ELMO1: variants seen among roughly 807,000 people sequenced by gnomAD.
ELMO1 encodes engulfment and cell motility protein 1.
In ELMO1, 26 loss-of-function variants were observed where a neutral mutation model predicts 98.9. That is an observed-to-expected ratio of 0.26 (90% confidence interval 0.19 to 0.36). The LOEUF (loss-of-function observed/expected upper bound fraction) is 0.36. Among genes scored for constraint, ELMO1 ranks in the 10% least tolerant of loss-of-function variants. ELMO1 has a pLI of 1.00. For missense variants in ELMO1, 627 were observed against 935.2 expected (o/e 0.67, Z 4.30); for synonymous variants, 346 against 346.0 (o/e 1.00, Z 0.00).
At chr7:37,022,103 A>C (rs1794303264) in intron 15 of ELMO1, among the ~76,000 whole-genome samples, 1 of 152,246 alleles carries the variant, frequency 6.6e-6, no homozygotes, top group Non-Finnish European at 1.5e-5. Context: ...TGCAAAGATC[A>C]GTTCTGCGTG....
At chr7:37,048,726 C>T (rs1337892679) in intron 15 of ELMO1, among the ~76,000 whole-genome samples, 19 of 152,222 alleles carry the variant, frequency 1.2e-4, no homozygotes, top group Non-Finnish European at 1.5e-5. Flanking sequence ...ATTCCTTTAA[C>T]ATTTTCAAGA....
intron 15 of ELMO1, among the ~76,000 whole-genome samples, chr7:37,063,818 CTCCTACCTCCTT>C (rs1219430878): frequency 4.6e-5 from 7 of 152,148 alleles, no homozygotes; most frequent in Non-Finnish European, 7.4e-5. Context: ...ACTGCCTCCT[CTCCTACCTCCTT>C]AAGTAGTAAG....
chr7:37,376,744 A>G (rs10238251), intron 1 of ELMO1, among the ~76,000 whole-genome samples: 100,049 of 152,168 alleles, frequency 0.66, 33,134 homozygotes, highest in African/African-American at 0.73. Flanking sequence ...TTTGAGAAAT[A>G]TCTCCTGTCC....
chr7:37,288,045 C>T (rs1273682090), intron 4 of ELMO1, among the ~76,000 whole-genome samples: 1 of 152,164 alleles, frequency 6.6e-6, no homozygotes, highest in Non-Finnish European at 1.5e-5. Context: ...ACTGAAACCT[C>T]TGCCTCCCAG....
intron 2 of ELMO1, among the ~76,000 whole-genome samples, chr7:37,318,629 A>T (rs1420464711): frequency 6.6e-6 from 1 of 152,214 alleles, no homozygotes; most frequent in East Asian, 1.9e-4. Context: ...AGATGCACAA[A>T]GCTTAGAGAC....
chr7:36,959,769 C>T (rs1352931289), intron 16 of ELMO1, among the ~76,000 whole-genome samples: 1 of 152,194 alleles, frequency 6.6e-6, no homozygotes, highest in Non-Finnish European at 1.5e-5. Context: ...CAACCTCTGC[C>T]TCCCAGGTTC....
At chr7:37,189,100 C>T (rs892009216) in intron 13 of ELMO1, among the ~76,000 whole-genome samples, 1 of 152,188 alleles carries the variant, frequency 6.6e-6, no homozygotes, top group African/African-American at 2.4e-5. Flanking sequence ...ACAACATATA[C>T]ATTCAAAAAT....
chr7:37,173,804 A>G (rs1790334499), intron 13 of ELMO1, among the ~76,000 whole-genome samples: 1 of 152,148 alleles, frequency 6.6e-6, no homozygotes, highest in Admixed American at 6.5e-5. Context: ...ACCACCCCAA[A>G]CCTGAAAGCC....
At chr7:37,273,651 C>A (rs1796682482) in intron 4 of ELMO1, among the ~76,000 whole-genome samples, 1 of 152,176 alleles carries the variant, frequency 6.6e-6, no homozygotes, top group African/African-American at 2.4e-5. Context: ...ACACCACACC[C>A]AATTTCCAGG....
chr7:37,419,369 T>C (rs1187009859), intron 1 of ELMO1, among the ~76,000 whole-genome samples: 1 of 152,112 alleles, frequency 6.6e-6, no homozygotes, highest in Admixed American at 6.5e-5. Context: ...AATGTCAATA[T>C]ATTCATGGGC....
At chr7:37,403,395 GA>G (rs970008163) in intron 1 of ELMO1, among the ~76,000 whole-genome samples, 6 of 151,834 alleles carry the variant, frequency 4.0e-5, no homozygotes, top group African/African-American at 1.5e-4. Context: ...CCCCAACTCT[GA>G]AAAAAAATCA....
At chr7:36,997,065 T>C (rs1792269204) in intron 16 of ELMO1, among the ~76,000 whole-genome samples, 1 of 151,988 alleles carries the variant, frequency 6.6e-6, no homozygotes. Context: ...TAGGCTTGGG[T>C]CAAGTCCAGA....
intron 16 of ELMO1, among the ~76,000 whole-genome samples, chr7:36,974,039 TGTGCGTCTGGAGC>T (rs1790257292): frequency 6.6e-6 from 1 of 152,238 alleles, no homozygotes; most frequent in Non-Finnish European, 1.5e-5. Context: ...CGTGGGCTCC[TGTGCGTCTGGAGC>T]CTCCCTGATG....
chr7:37,423,714 A>G (rs1804583391), intron 1 of ELMO1, among the ~76,000 whole-genome samples: 1 of 152,196 alleles, frequency 6.6e-6, no homozygotes, highest in Non-Finnish European at 1.5e-5. Flanking sequence ...TTCACTGTAC[A>G]AGGCTTTATG....
At chr7:37,179,567 G>C (rs183443421) in intron 13 of ELMO1, among the ~76,000 whole-genome samples, 1 of 152,096 alleles carries the variant, frequency 6.6e-6, no homozygotes, top group African/African-American at 2.4e-5. Context: ...GTGAGCCACC[G>C]AGCCCGGCCT....
chr7:37,034,149 A>AC (rs1342995321), intron 15 of ELMO1, among the ~76,000 whole-genome samples: 1 of 152,172 alleles, frequency 6.6e-6, no homozygotes, highest in African/African-American at 2.4e-5. Flanking sequence ...TGAAGTCCTA[A>AC]CCCCAGTACC....
At chr7:37,119,189 C>A (rs1015908) in intron 14 of ELMO1, among the ~76,000 whole-genome samples, 2 of 151,910 alleles carry the variant, frequency 1.3e-5, no homozygotes, top group Admixed American at 6.6e-5. Context: ...AGCTCCCTGA[C>A]TGGAAAGGCT....
intron 1 of ELMO1, among the ~76,000 whole-genome samples, chr7:37,433,461 T>C (rs1805017700): frequency 1.3e-5 from 2 of 152,158 alleles, no homozygotes; most frequent in South Asian, 2.1e-4. Context: ...ACATATCATA[T>C]GGTCCAGGCA....
At chr7:37,099,898 T>C (rs1321381964) in intron 14 of ELMO1, among the ~76,000 whole-genome samples, 2 of 151,584 alleles carry the variant, frequency 1.3e-5, no homozygotes, top group Non-Finnish European at 2.9e-5. Flanking sequence ...AGTGGCATAA[T>C]CTCGGCTCGC....
Sources: gnomAD v4.1 joint callset for allele counts (sites outside exome capture counted in the v4.1 genomes callset) on GRCh38, gnomAD v4.1.1 for gene constraint, MANE v1.5 for transcripts, NCBI Gene and HGNC (gene_info 2026-07-23, HGNC 2026-07-21) for gene names.